SYT8: variants seen among roughly 807,000 people sequenced by gnomAD.
SYT8 encodes synaptotagmin-8.
A neutral mutation model predicts 34.9 loss-of-function variants in SYT8; 50 were observed. That is an observed-to-expected ratio of 1.43 (90% CI 1.14 to 1.81). SYT8 has a LOEUF of 1.81. SYT8 is among the 40% of genes most tolerant of loss of function. The pLI is 0.00. For synonymous variants in SYT8, 255 were observed against 234.2 expected, an observed-to-expected ratio of 1.09 and a Z score of -0.81; for missense variants, 595 against 529.0, an observed-to-expected ratio of 1.12 and a Z score of -1.22.
At chr11:1,832,729 C>T (rs543391329), upstream of SYT8, among the ~76,000 whole-genome samples, 1 of 152,142 alleles carries the variant, frequency 6.6e-6, no homozygotes, top group Non-Finnish European at 1.5e-5. Context: ...GCAGCCAGCG[C>T]CCCCAGGGTC....
chr11:1,835,333 G>GGGCGTCCTCCTCGTCTCC lies in SYT8; in HGVS notation c.133_150dup (p.Gly45_Ser50dup), dbSNP rs775453551. On this transcript the variant is annotated inframe_insertion, in exon 2 of 8. Transcript: ENST00000341958. The stretch of plus-strand genomic sequence containing the variant: ...CTCTCATTGCCGGCGCCCTTGCCGC[G>GGGCGTCCTCCTCGTCTCC]GGCGTCCTCCTCGTCTCCTGCCTCC... The GGGCGTCCTCCTCGTCTCC allele has an allele frequency of 3.7e-4, 589 of 1,602,426 alleles. No homozygotes were observed. The highest frequency in any genetic ancestry group is 4.9e-4 in the Non-Finnish European group (576 of 1,175,166).
upstream of SYT8, chr11:1,834,435 C>T (rs779299749): frequency 4.1e-5 from 32 of 784,608 alleles, no homozygotes; most frequent in South Asian, 2.4e-4. This position sits in a 1 kb window ranked among gnomAD's most constrained non-coding sequence, Gnocchi z 4.5. Context: ...TCAGGCGCTG[C>T]GGCCCTGAGC....
Position 1,835,918 on chromosome 11 carries a change from C to A in SYT8, c.291C>A (p.Ser97Arg), listed in dbSNP as rs1846888509. The A allele has an allele frequency of 2.5e-6, 4 of 1,608,898 alleles. No individual in the cohort carries two copies. In the South Asian group the frequency reaches 3.3e-5, roughly 13 times the overall value. Residue 97 changes from serine to arginine, a missense_variant, in exon 3 of 8, where the codon AGC becomes AGA. Physicochemically the swap from Ser to Arg is moderately radical, Grantham distance 110. Transcript: ENST00000341958. ...VQPDVDGLES[S>R]PGDAQQWGCL... The stretch of plus-strand genomic sequence containing the variant: ...CTGATGTGGATGGCCTGGAGTCCAG[C>A]CCGGGGGATGCTCAGCAATGGGGGT...
intron 2 of SYT8, 115 bp downstream of exon 2, chr11:1,835,574 G>T: frequency 8.0e-7 from 1 of 1,251,118 alleles, no homozygotes; most frequent in Non-Finnish European, 1.1e-6. Flanking sequence ...CACAGAGGCA[G>T]GGCGTTGAGG....
chr11:1,832,495 G>T (rs1265684512), upstream of SYT8, among the ~76,000 whole-genome samples: 2 of 152,218 alleles, frequency 1.3e-5, no homozygotes, highest in African/African-American at 2.4e-5. Context: ...GGAGGCTCAG[G>T]CAGGGAGGGC....
At chr11:1,832,636 G>T (rs1188704398), upstream of SYT8, among the ~76,000 whole-genome samples, 1 of 152,134 alleles carries the variant, frequency 6.6e-6, no homozygotes, top group Non-Finnish European at 1.5e-5. Context: ...GTGGCCATGC[G>T]CCCGCTGCAC....
chr11:1,834,675 G>A (rs1388235697), upstream of SYT8: 8 of 1,478,428 alleles, frequency 5.4e-6, no homozygotes, highest in South Asian at 7.2e-5. The surrounding 1 kb of genome is among the most constrained non-coding windows in gnomAD (Gnocchi z 4.5). Flanking sequence ...GACCCCCAGG[G>A]ATGAGATGGG....
rs367768006 is a variant in SYT8, at chr11:1,835,285, C to G, written c.95-11C>G. ...TGTCCACAGATGCACTCAGCCTGGC[C>G]TCTACCCCAGGGCCCCGCTGGGCTC... On this transcript the variant is annotated splice_polypyrimidine_tract_variant and intron_variant, in intron 1 of 7. Transcript: ENST00000341958. 5.9e-5 allele frequency: 95 copies of G among 1,600,180 alleles called. No individual in the cohort carries two copies. In the African/African-American group the frequency reaches 1.1e-3, roughly 18 times the overall value.
chr11:1,832,802 G>C (rs1405443670), upstream of SYT8, among the ~76,000 whole-genome samples: 1 of 152,186 alleles, frequency 6.6e-6, no homozygotes, highest in African/African-American at 2.4e-5. Flanking sequence ...AGGTCACCAG[G>C]CTGGCCCGGG....
rs1252530399 is a variant in SYT8, at chr11:1,835,074, G to A, written c.-32G>A. On this transcript the variant is annotated 5_prime_UTR_variant, in exon 1 of 8. Transcript: ENST00000341958. ...CCCTCCCAGCTGACCCAGCCTCCTG[G>A]GCCGCTTCTTCCAAACCAGCAGGGT... 1.2e-6 allele frequency: 2 copies of A among 1,610,230 alleles called. No homozygotes were observed. Among genetic ancestry groups the A allele is most frequent in the African/African-American group, 2.7e-5 (2 of 74,846 alleles).
At position 1,835,368 on chromosome 11, in the gene SYT8, C is replaced by T. The variant is rs1554968142; in HGVS notation, c.167C>T (p.Ala56Val). Residue 56 changes from alanine to valine, a missense_variant, in exon 2 of 8, where the codon GCC (alanine) becomes GTC (valine). Transcript: ENST00000341958. ...CTCGTCTCCTGCCTCCTCTGTGCTGCCTGCTGCTGCTGCCGCCGCCACAGG... is the reference window on the plus strand; with the variant it reads ...CTCGTCTCCTGCCTCCTCTGTGCTGTCTGCTGCTGCTGCCGCCGCCACAGG... ...VLLVSCLLCAACCCCRRHRKK... is the reference protein window; with the variant it reads ...VLLVSCLLCAVCCCCRRHRKK... The T allele has an allele frequency of 1.2e-6, 2 of 1,607,580 alleles. No homozygotes were observed. The highest frequency in any genetic ancestry group is 1.1e-5 in the South Asian group (1 of 91,020).
chr11:1,836,209 G>A lies in SYT8; in HGVS notation c.441G>A (p.Gln147=), dbSNP rs2133020869. The A allele has an allele frequency of 6.3e-7, 1 of 1,590,690 alleles. No homozygotes were observed. Among genetic ancestry groups the A allele is most frequent in the Non-Finnish European group, 8.5e-7 (1 of 1,169,830 alleles). Residue 147 remains glutamine, a synonymous_variant, in exon 4 of 8, where the codon CAG becomes CAA. Transcript: ENST00000341958. ...DPYARVSVST[Q]AGHRHETKVH... ...ATGCCCGGGTCAGCGTCTCCACCCA[G>A]GCCGGACACAGACATGAGACAAAAG...
Position 1,836,482 on chromosome 11 carries a change from C to A in SYT8, c.574C>A (p.Arg192Ser), listed in dbSNP as rs113202245. ...GCAGGTGCAGCTTTTCAACTTCAAGCGCTTCTCGGGGCATGAGCCCCTGGG... is the reference window on the plus strand; with the variant it reads ...GCAGGTGCAGCTTTTCAACTTCAAGAGCTTCTCGGGGCATGAGCCCCTGGG... ...TLQVQLFNFKRFSGHEPLGEL... is the reference protein window; with the variant it reads ...TLQVQLFNFKSFSGHEPLGEL... Residue 192 changes from arginine to serine, a missense_variant, in exon 5 of 8, where the codon CGC becomes AGC. Arg to Ser is a moderately radical substitution (Grantham distance 110). Coordinates refer to ENST00000341958, the MANE Select transcript of SYT8 (RefSeq NM_001394072.1). The A allele has an allele frequency of 8.5e-5, 137 of 1,611,020 alleles. No individual in the cohort carries two copies. In the African/African-American group the frequency reaches 1.6e-3, roughly 19 times the overall value.
chr11:1,837,457 G>T lies in SYT8; in HGVS notation c.*26G>T. Reference sequence around the variant, plus strand: ...ATGCACCACATGCCTCTGTCTCCCCGCTGAGCCCAGGCACTTGCCCAGGCC... The same window carrying T: ...ATGCACCACATGCCTCTGTCTCCCCTCTGAGCCCAGGCACTTGCCCAGGCC... On this transcript the variant is annotated 3_prime_UTR_variant, in exon 8 of 8. Coordinates refer to ENST00000341958, the MANE Select transcript of SYT8 (RefSeq NM_001394072.1). The T allele has an allele frequency of 1.3e-6, 2 of 1,599,658 alleles. No individual in the cohort carries two copies. The highest frequency in any genetic ancestry group is 1.1e-5 in the South Asian group (1 of 90,506).
intron 3 of SYT8, 30 bp downstream of exon 3, chr11:1,836,014 G>A (rs1036343878): frequency 2.5e-6 from 4 of 1,590,612 alleles, no homozygotes; most frequent in Non-Finnish European, 2.6e-6. Flanking sequence ...AGGACCAGCG[G>A]TTCTGCGAGT....
chr11:1,835,014 T>C lies in SYT8; in HGVS notation c.-92T>C. The C allele has an allele frequency of 7.5e-7, 1 of 1,338,776 alleles. No homozygotes were observed. The highest frequency in any genetic ancestry group is 1.1e-6 in the Non-Finnish European group (1 of 946,564). 82.9% of individuals were successfully genotyped at this position (1,338,776 alleles called of 1,614,324 possible). On this transcript the variant is annotated 5_prime_UTR_variant, in exon 1 of 8. Coordinates refer to ENST00000341958, the MANE Select transcript of SYT8 (RefSeq NM_001394072.1). ...CAGACCCAGCACTGGCTGCTGCTAG[T>C]CAGATGGGGTAGCGGGCAGGGGCCG...
At position 1,836,853 on chromosome 11, in the gene SYT8, G is replaced by T. The variant is rs781230655; in HGVS notation, c.782G>T (p.Gly261Val). The T allele has an allele frequency of 5.6e-6, 9 of 1,611,914 alleles. No homozygotes were observed. The highest frequency in any genetic ancestry group is 5.1e-6 in the Non-Finnish European group (6 of 1,179,970). The change falls in exon 6 of 8, where the codon GGA becomes GTA. Residue 261 changes from glycine to valine, a missense_variant. Coordinates refer to ENST00000341958, the MANE Select transcript of SYT8 (RefSeq NM_001394072.1). ...VVLEARGLRP[G>V]LAEPYVKVQL... ...CTGGAGGCTCGAGGCCTGCGTCCAG[G>T]ACTTGCAGGTGAGGGTCACACCTGC... is the stretch of plus-strand genomic sequence containing the variant.
At chr11:1,837,161 C>T in intron 7 of SYT8, 31 bp from the exon 8 acceptor site, 1 of 1,590,444 alleles carries the variant, frequency 6.3e-7, no homozygotes, top group Non-Finnish European at 8.6e-7. Flanking sequence ...CTTTCTCCCC[C>T]AACTCCAACC....
chr11:1,836,722 C>G (rs1374644203), intron 5 of SYT8, 34 bp from the exon 6 acceptor site: 1 of 1,601,608 alleles, frequency 6.2e-7, no homozygotes, highest in Admixed American at 1.7e-5. Flanking sequence ...CCAGAATCAC[C>G]CTCCCGGGCT....
Sources: gnomAD v4.1 joint callset for allele counts (sites outside exome capture counted in the v4.1 genomes callset) on GRCh38, gnomAD v4.1.1 for gene constraint, Gnocchi (gnomAD v3.1) non-coding constraint, MANE v1.5 for transcripts, NCBI Gene and HGNC (gene_info 2026-07-23, HGNC 2026-07-21) for gene names.